Variants in TTN observed in about 807,000 individuals in gnomAD.
TTN encodes connectin.
In TTN, 1,525 loss-of-function variants were observed where a neutral mutation model predicts 3,223.0. The ratio of observed to expected loss-of-function variants is 0.47; its 90% CI spans 0.45 to 0.49. TTN has a LOEUF of 0.49. TTN is among the 20% of genes least tolerant of loss of function. The pLI, the probability that TTN is intolerant of heterozygous loss-of-function variation, is 0.00. For synonymous variants in TTN, 14,094 were observed against 15,161.0 expected, an observed-to-expected ratio of 0.93 and a Z score of 5.17; for missense variants, 40,786 against 43,424.0, an observed-to-expected ratio of 0.94 and a Z score of 5.40.
Position 178,543,407 on chromosome 2 carries a change from T to A in TTN, c.96566A>T (p.Glu32189Val), listed in dbSNP as rs1002475776. 8.1e-6 allele frequency: 13 copies of A among 1,613,738 alleles called. No homozygotes were observed. Among genetic ancestry groups the A allele is most frequent in the Non-Finnish European group, 1.1e-5 (13 of 1,179,814 alleles). ...TACTGCATCAGATGTTTCACAAGGT[T>A]CTCCAATGCCATAAATATTTTCTGG... ...VLPENIYGIG[E>V]PCETSDAVLV... is the part of the protein sequence containing the mutation. The change falls in exon 347 of 363, where the codon GAA becomes GTA. Residue 32189 changes from glutamate to valine, a missense_variant. Coordinates refer to ENST00000589042, the MANE Select transcript of TTN (RefSeq NM_001267550.2).
At position 178,729,582 on chromosome 2, in the gene TTN, G is replaced by A; in HGVS notation, c.18590-16C>T. On this transcript the variant is annotated splice_polypyrimidine_tract_variant and intron_variant, in intron 63 of 362. Coordinates refer to ENST00000589042, the MANE Select transcript of TTN (RefSeq NM_001267550.2). ...GTGGGGGGTTCTAAAGATTCAAAAGGAAGACAGTAGCTTACTCAAGGGAAG... is the reference window on the plus strand; with the variant it reads ...GTGGGGGGTTCTAAAGATTCAAAAGAAAGACAGTAGCTTACTCAAGGGAAG... 6.2e-7 allele frequency: 1 copy of A among 1,612,010 alleles called. No homozygotes were observed. Among genetic ancestry groups the A allele is most frequent in the Non-Finnish European group, 8.5e-7 (1 of 1,178,944 alleles).
chr2:178,747,888 C>T (rs764847401), intron 47 of TTN: 2 of 1,613,086 alleles, frequency 1.2e-6, no homozygotes, highest in South Asian at 2.2e-5. Flanking sequence ...TGTTGTTCTT[C>T]AGTCATCAAG....
In TTN at chr2:178,742,855, T is replaced by TA. The variant is rs56675804; in HGVS notation, c.11312-935dup. The TA allele has an allele frequency of 1.2e-3, 177 of 152,208 alleles. 1 individual carries two copies. The highest frequency in any genetic ancestry group is 4.1e-3 in the African/African-American group (171 of 41,572). The allele number at this position is 152,208 out of a possible 1,614,324, so 9.4% of individuals were successfully genotyped here. On this transcript the variant is annotated intron_variant, in intron 47 of 362. Coordinates refer to ENST00000589042, the MANE Select transcript of TTN (RefSeq NM_001267550.2). ...TCACTTGCATCACATGAAATAGACT[T>TA]ACACCTTAATTCCTTTCTGTTCTAG...
intron 49 of TTN, among the ~76,000 whole-genome samples, chr2:178,737,654 A>G (rs2081748429): frequency 6.6e-6 from 1 of 152,112 alleles, no homozygotes; most frequent in Admixed American, 6.6e-5. Flanking sequence ...TTTCAGTCCT[A>G]TACTAGCTCC....
rs573588918 is a variant in TTN, at chr2:178,802,881, A to G, written c.92-540T>C. On this transcript the variant is annotated intron_variant, in intron 2 of 362. Coordinates refer to ENST00000589042, the MANE Select transcript of TTN (RefSeq NM_001267550.2). ...CTCTTCTGCTTTCACAAGTGCAATC[A>G]GTAAAAACATTGTAACATGGACAAG... is the stretch of plus-strand genomic sequence containing the variant. Among the ~76,000 whole-genome samples, 5 of 152,334 alleles carry G rather than the reference A, an allele frequency of 3.3e-5. No individual in the cohort carries two copies. In the South Asian group the frequency reaches 1.0e-3, roughly 32 times the overall value.
chr2:178,746,023 T>C (rs748385031), intron 47 of TTN: 2 of 1,613,326 alleles, frequency 1.2e-6, no homozygotes, highest in Non-Finnish European at 1.7e-6. Flanking sequence ...TAGCCTCTCC[T>C]ACACAATTCA....
At position 178,666,837 on chromosome 2, in the gene TTN, T is replaced by C; in HGVS notation, c.35862A>G (p.Thr11954=). Residue 11954 remains threonine, a synonymous_variant, in exon 163 of 363, where the codon ACA becomes ACG. Coordinates refer to ENST00000589042, the MANE Select transcript of TTN (RefSeq NM_001267550.2). Reference sequence around the variant, plus strand: ...TCCAACTTGTACCTGTTGGTGATGGTGTTTTTCTTCTTTTAACAATAGGAG... The same window carrying C: ...TCCAACTTGTACCTGTTGGTGATGGCGTTTTTCTTCTTTTAACAATAGGAG... ...GETPIVKRRK[T]PSPTVPESPR... The C allele has an allele frequency of 6.4e-7, 1 of 1,570,374 alleles. No individual in the cohort carries two copies. Among genetic ancestry groups the C allele is most frequent in the Non-Finnish European group, 8.6e-7 (1 of 1,157,038 alleles).
Position 178,640,552 on chromosome 2 carries a change from T to A in TTN, c.40712A>T (p.Glu13571Val), listed in dbSNP as rs1190002260. The A allele has an allele frequency of 1.2e-6, 2 of 1,603,356 alleles. No individual in the cohort carries two copies. The highest frequency in any genetic ancestry group is 1.7e-6 in the Non-Finnish European group (2 of 1,175,884). Residue 13571 changes from glutamate (E) to valine (V), a missense_variant, in exon 221 of 363, where the codon GAA becomes GTA. Transcript: ENST00000589042. The stretch of plus-strand genomic sequence containing the variant: ...CAGTAGATTTGTACCTTTTGTTGGT[T>A]CAGGAATCTTCCTTTCCCTTTTTGT... ...TVTKRERKIPEPTKVPEIKPA... is the reference protein window; with the variant it reads ...TVTKRERKIPVPTKVPEIKPA...
In TTN at chr2:178,800,635, C is replaced by T. The variant is rs564777385; in HGVS notation, c.343G>A (p.Val115Met). Residue 115 changes from valine (V) to methionine (M), a missense_variant, in exon 4 of 363, where the codon GTG becomes ATG. Coordinates refer to ENST00000589042, the MANE Select transcript of TTN (RefSeq NM_001267550.2). ...NFVQRLQSMT[V>M]RQGSQVRLQV... ...AGTCTCACTTGGCTTCCTTGTCTCA[C>T]GGTCATGCTCTGCAGTCGTTGAACG... is the stretch of plus-strand genomic sequence containing the variant. 22 of 1,611,420 alleles carry T rather than the reference C, an allele frequency of 1.4e-5. No individual in the cohort carries two copies. The highest frequency in any genetic ancestry group is 8.3e-5 in the Admixed American group (5 of 59,882).
At chr2:178,710,516 T>A (rs2076502705) in intron 98 of TTN, 119 bp downstream of exon 98, 1 of 1,255,232 alleles carries the variant, frequency 8.0e-7, no homozygotes, top group East Asian at 2.3e-5. Flanking sequence ...TCTTAAACAT[T>A]TTCTTTTCAT....
At chr2:178,609,592 A>C (rs1405904438) in intron 272 of TTN, 22 bp from the exon 273 acceptor site, 1 of 1,565,192 alleles carries the variant, frequency 6.4e-7, no homozygotes, top group Non-Finnish European at 8.6e-7. Flanking sequence ...ATAACCAATA[A>C]ATGTTTTCAA....
intron 211 of TTN, 73 bp downstream of exon 211, chr2:178,649,744 A>G: frequency 6.4e-7 from 1 of 1,559,816 alleles, no homozygotes; most frequent in African/African-American, 1.4e-5. Context: ...ATATAATACA[A>G]CACAACACAC....
At position 178,757,823 on chromosome 2, in the gene TTN, C is replaced by T; in HGVS notation, c.10397G>A (p.Ser3466Asn). Residue 3466 changes from serine (S) to asparagine (N), a missense_variant, in exon 45 of 363, where the codon AGC (serine) becomes AAC (asparagine). Ser to Asn is a conservative substitution (Grantham distance 46). Transcript: ENST00000589042. Reference protein sequence around the residue: ...FKKEPLGQKPSFIQPLSSLRV... With the variant: ...FKKEPLGQKPNFIQPLSSLRV... ...GAGGCTTGACAGAGGCTGGATGAAG[C>T]TGGGCTTTTGGCCAAGGGGCTCCTT... 6.2e-7 allele frequency: 1 copy of T among 1,606,642 alleles called. No individual in the cohort carries two copies. The highest frequency in any genetic ancestry group is 1.1e-5 in the South Asian group (1 of 90,084).
chr2:178,530,049 T>C lies in TTN; in HGVS notation c.106442A>G (p.Lys35481Arg), dbSNP rs200716018. The C allele has an allele frequency of 1.6e-4, 259 of 1,611,666 alleles. No individual in the cohort carries two copies. The highest frequency in any genetic ancestry group is 2.0e-4 in the Non-Finnish European group (237 of 1,179,284). ...AAGTCCACTGTCAGAAGTATCAGTC[T>C]TATGAATTTCTAAGAAGAACCCTCC... ...DKGGFFLEIH[K>R]TDTSDSGLYT... is the part of the protein sequence containing the mutation. Residue 35481 changes from lysine (K) to arginine (R), a missense_variant, in exon 359 of 363, where the codon AAG becomes AGG. By Grantham distance (26) the Lys-to-Arg change is conservative. Coordinates refer to ENST00000589042, the MANE Select transcript of TTN (RefSeq NM_001267550.2).
chr2:178,769,584 T>C (rs2091140399), intron 37 of TTN, 95 bp downstream of exon 37: 1 of 1,141,138 alleles, frequency 8.8e-7, no homozygotes, highest in Admixed American at 2.9e-5. Context: ...TTTTGAGTGG[T>C]CAGCAAAGTG....
chr2:178,766,954 G>T, intron 40 of TTN, among the ~76,000 whole-genome samples: 1 of 152,164 alleles, frequency 6.6e-6, no homozygotes, highest in East Asian at 1.9e-4. Flanking sequence ...TGTCTAAAAA[G>T]TTATTACTTA....
intron 330 of TTN, chr2:178,555,651 CAAGA>C (rs1479047256): frequency 6.4e-6 from 1 of 156,348 alleles, no homozygotes; most frequent in African/African-American, 2.4e-5. Context: ...TTGGAATTAT[CAAGA>C]AAGATAACTA....
At chr2:178,730,863 A>C in intron 60 of TTN, 62 bp downstream of exon 60, 1 of 1,524,250 alleles carries the variant, frequency 6.6e-7, no homozygotes, top group Non-Finnish European at 8.8e-7. Context: ...TTTTTTTTTA[A>C]ATTTTAAGGG....
chr2:178,803,571 AT>A (rs1482292412), intron 2 of TTN, among the ~76,000 whole-genome samples: 1 of 151,942 alleles, frequency 6.6e-6, no homozygotes, highest in Non-Finnish European at 1.5e-5. Context: ...CCAGTTATGA[AT>A]AAGATTGGTG....
Sources: gnomAD v4.1 joint callset for allele counts (sites outside exome capture counted in the v4.1 genomes callset) on GRCh38, gnomAD v4.1.1 for gene constraint, MANE v1.5 for transcripts, NCBI Gene and HGNC (gene_info 2026-07-23, HGNC 2026-07-21) for gene names.